Variants in RHBDF1 observed in about 807,000 individuals in gnomAD.
The protein encoded by RHBDF1 is inactive rhomboid protein 1.
In RHBDF1, 80 loss-of-function variants were observed where a neutral mutation model predicts 98.6. The observed-to-expected ratio is 0.81, with a 90% confidence interval of 0.68 to 0.98. The LOEUF (loss-of-function observed/expected upper bound fraction) is 0.98. RHBDF1 is among the 50% of genes least tolerant of loss of function. The probability of loss-of-function intolerance (pLI) is 0.00; values close to 1 mark genes in which losing one functional copy is unlikely to be tolerated. For missense variants in RHBDF1, 1,116 were observed against 1,198.3 expected, an observed-to-expected ratio of 0.93 and a Z score of 1.01; for synonymous variants, 512 against 486.8, an observed-to-expected ratio of 1.05 and a Z score of -0.68.
At chr16:60,578 A>G (rs749974851) in intron 11 of RHBDF1, 39 bp from the exon 12 acceptor site, 1 of 1,497,164 alleles carries the variant, frequency 6.7e-7, no homozygotes, top group Non-Finnish European at 9.2e-7. Context: ...CAGTTGGGTC[A>G]GGGCAATGAG....
At chr16:75,638 C>T (rs1285821440), upstream of RHBDF1, among the ~76,000 whole-genome samples, 1 of 152,200 alleles carries the variant, frequency 6.6e-6, no homozygotes, top group Non-Finnish European at 1.5e-5. Flanking sequence ...GGGCCCAGGG[C>T]CTGGCAGCAC....
intron 17 of RHBDF1, 85 bp from the exon 18 acceptor site, chr16:58,844 C>A: frequency 6.4e-7 from 1 of 1,558,630 alleles, no homozygotes; most frequent in Non-Finnish European, 8.7e-7. Flanking sequence ...CCCCACTTCC[C>A]ATGGCCCAGA....
At position 63,647 on chromosome 16, in the gene RHBDF1, C is replaced by T. The variant is rs747874417; in HGVS notation, c.402G>A (p.Leu134=). The T allele has an allele frequency of 1.9e-6, 3 of 1,606,726 alleles. No homozygotes were observed. In the African/African-American group the frequency reaches 4.0e-5, roughly 21 times the overall value. ...LDLPSQDNVS[L]TSTETPPPLY... is the part of the protein sequence containing the mutation. ...GTGGGGGTGGCGTCTCGGTGCTGGT[C>T]AGCGACACGTTGTCCTGGCTGGGCA... The change falls in exon 4 of 18, where the codon CTG becomes CTA. Residue 134 remains leucine, a synonymous_variant. Coordinates refer to ENST00000262316, the MANE Select transcript of RHBDF1 (RefSeq NM_022450.5).
In RHBDF1 at chr16:63,131, C is replaced by T. The variant is rs777769260; in HGVS notation, c.514G>A (p.Ala172Thr). Residue 172 changes from alanine to threonine, a missense_variant, in exon 5 of 18, where the codon GCG (alanine) becomes ACG (threonine). Physicochemically the swap from Ala to Thr is moderately conservative, Grantham distance 58 (BLOSUM62 0). Transcript: ENST00000262316. ...GTGTGTGGGGCACTCAGGCCTTCCGCAGTGTCATCTGCCACACGGAAGGCA... is the reference window on the plus strand; with the variant it reads ...GTGTGTGGGGCACTCAGGCCTTCCGTAGTGTCATCTGCCACACGGAAGGCA... ...GRAFRVADDT[A>T]EGLSAPHTPV... 1.2e-6 allele frequency: 2 copies of T among 1,600,158 alleles called. No individual in the cohort carries two copies. The highest frequency in any genetic ancestry group is 2.2e-5 in the South Asian group (2 of 89,314).
chr16:66,090 C>A (rs868556738), intron 1 of RHBDF1, among the ~76,000 whole-genome samples: 4 of 152,216 alleles, frequency 2.6e-5, no homozygotes, highest in Admixed American at 6.5e-5. Flanking sequence ...GGGGACCACA[C>A]GGCGATTCCA....
Position 64,070 on chromosome 16 carries a change from G to A in RHBDF1, c.249-270C>T, listed in dbSNP as rs1897751907. Reference sequence around the variant, plus strand: ...CTCACCCCACCATCCCTGAGGGGCAGTTGAGGGGAGGCACTGAGTCCAGAG... The same window carrying A: ...CTCACCCCACCATCCCTGAGGGGCAATTGAGGGGAGGCACTGAGTCCAGAG... On this transcript the variant is annotated intron_variant, in intron 3 of 17. Coordinates refer to ENST00000262316, the MANE Select transcript of RHBDF1 (RefSeq NM_022450.5). 1.6e-5 allele frequency: 10 copies of A among 642,038 alleles called. No individual in the cohort carries two copies. The South Asian group carries it at 1.8e-4, about 12-fold the overall frequency. The allele number at this position is 642,038 out of a possible 1,614,324, so 39.8% of individuals were successfully genotyped here.
intron 1 of RHBDF1, among the ~76,000 whole-genome samples, chr16:68,595 G>A (rs1415958260): frequency 6.6e-6 from 1 of 152,218 alleles, no homozygotes. Flanking sequence ...CAGCCTCACA[G>A]CTGCCAGCCC....
chr16:61,388 G>C lies in RHBDF1; in HGVS notation c.1392C>G (p.Ser464Arg), dbSNP rs1255090923. 7 of 1,608,574 alleles carry C rather than the reference G, an allele frequency of 4.4e-6. No individual in the cohort carries two copies. The highest frequency in any genetic ancestry group is 5.9e-6 in the Non-Finnish European group (7 of 1,178,382). Residue 464 changes from serine (S) to arginine (R), a missense_variant, in exon 10 of 18, where the codon AGC (serine) becomes AGG (arginine). Physicochemically the swap from Ser to Arg is moderately radical, Grantham distance 110. Transcript: ENST00000262316. ...CCGCCCCCAGCCCCGTCCTCACCGA[G>C]CTGGGCCCGATCCAGAAGTTCTCCT... ...VQQENFWIGP[S>R]SEALIHLGAK...
intron 3 of RHBDF1, chr16:64,229 G>A (rs918101382): frequency 3.2e-5 from 42 of 1,329,160 alleles, no homozygotes; most frequent in South Asian, 2.8e-4. Flanking sequence ...AGCACCTGCC[G>A]TTAGGAGCCC....
In RHBDF1 at chr16:61,444, C is replaced by A; in HGVS notation, c.1336G>T (p.Gly446Trp). The part of the protein sequence containing the change: ...ETVDSVLRNR[G>W]VYENVKYVQQ... ...ACGTACTTGACGTTCTCGTAGACCCCGCGGTTCCGCAGCACCTGGGAGGTT... is the reference window on the plus strand; with the variant it reads ...ACGTACTTGACGTTCTCGTAGACCCAGCGGTTCCGCAGCACCTGGGAGGTT... Residue 446 changes from glycine (G) to tryptophan (W), a missense_variant, in exon 10 of 18, where the codon GGG becomes TGG. Transcript: ENST00000262316. The A allele has an allele frequency of 6.2e-7, 1 of 1,612,540 alleles. No individual in the cohort carries two copies. The highest frequency in any genetic ancestry group is 8.5e-7 in the Non-Finnish European group (1 of 1,179,824).
intron 4 of RHBDF1, 91 bp from the exon 5 acceptor site, chr16:63,273 C>T: frequency 8.2e-6 from 9 of 1,091,210 alleles, no homozygotes; most frequent in Non-Finnish European, 1.2e-5. Context: ...AGCGTGACTG[C>T]TGCTCCTGAC....
rs752567658 is a variant in RHBDF1 at position 61,328 on chromosome 16, C to G, written c.1396-47G>C. 3.5e-5 allele frequency: 54 copies of G among 1,543,438 alleles called. 1 individual carries two copies. The highest frequency in any genetic ancestry group is 3.2e-4 in the South Asian group (27 of 83,486). ...GGCCGCAGTCCGGGGCCTCCTGCCC[C>G]CGCCGGGCACCTCCAGGTCCCGCCC... On this transcript the variant is annotated intron_variant, in intron 10 of 17. Transcript: ENST00000262316.
Position 61,833 on chromosome 16 carries a change from G to T in RHBDF1, c.1173C>A (p.Phe391Leu). ...NRTYRKRIDS[F>L]VKRQIEDMDD... ...CCATGTCCTCGATCTGGCGCTTGAC[G>T]AAGCTGTCGATGCGCTTGCGGTAGG... The change falls in exon 8 of 18, where the codon TTC (phenylalanine) becomes TTA (leucine). Residue 391 changes from phenylalanine (F) to leucine (L), a missense_variant. By Grantham distance (22) the Phe-to-Leu change is conservative. Coordinates refer to ENST00000262316, the MANE Select transcript of RHBDF1 (RefSeq NM_022450.5). 6.2e-7 allele frequency: 1 copy of T among 1,612,552 alleles called. No individual in the cohort carries two copies. Among genetic ancestry groups the T allele is most frequent in the South Asian group, 1.1e-5 (1 of 91,050 alleles).
At chr16:69,105 G>C (rs1016374351) in intron 1 of RHBDF1, among the ~76,000 whole-genome samples, 4 of 152,146 alleles carry the variant, frequency 2.6e-5, no homozygotes, top group South Asian at 4.1e-4. Flanking sequence ...GGGGTGAAAG[G>C]ACCCTAGAGC....
chr16:58,426 G>T lies in RHBDF1; in HGVS notation c.2482C>A (p.Arg828Ser). ...LVVLFYVYPVRCEWCEFLTCI... is the reference protein window; with the variant it reads ...LVVLFYVYPVSCEWCEFLTCI... ...GTGAGGAACTCACACCACTCACAGC[G>T]GACAGGATAGACGTAGAAGAGGACC... The change falls in exon 18 of 18, where the codon CGC becomes AGC. Residue 828 changes from arginine (R) to serine (S), a missense_variant. Coordinates refer to ENST00000262316, the MANE Select transcript of RHBDF1 (RefSeq NM_022450.5). The T allele has an allele frequency of 6.2e-7, 1 of 1,614,048 alleles. No individual in the cohort carries two copies. The highest frequency in any genetic ancestry group is 1.1e-5 in the South Asian group (1 of 91,086).
rs752749012 is a variant in RHBDF1 at position 61,623 on chromosome 16, C to G, written c.1282G>C (p.Ala428Pro). ...TILAVCIYGI[A>P]PVGFSQHETV... ...TCATGCTGCGAGAAGCCCACGGGCGCGATGCCATAGATGCACACGGCTAGG... is the reference window on the plus strand; with the variant it reads ...TCATGCTGCGAGAAGCCCACGGGCGGGATGCCATAGATGCACACGGCTAGG... Residue 428 changes from alanine to proline, a missense_variant, in exon 9 of 18, where the codon GCG becomes CCG. Physicochemically the swap from Ala to Pro is conservative, Grantham distance 27. Transcript: ENST00000262316. 8.7e-6 allele frequency: 14 copies of G among 1,613,374 alleles called. No individual in the cohort carries two copies. Among genetic ancestry groups the G allele is most frequent in the Non-Finnish European group, 1.2e-5 (14 of 1,179,928 alleles).
Position 62,697 on chromosome 16 carries a change from T to A in RHBDF1, c.796-2A>T. 1 of 1,614,148 alleles carries A rather than the reference T, an allele frequency of 6.2e-7. No homozygotes were observed. Among genetic ancestry groups the A allele is most frequent in the Admixed American group, 1.7e-5 (1 of 60,036 alleles). ...CAGCTCTTCATGGAGGATACCTTCCTGAGCAAACACATGAGGTCAGGGTGG... is the reference window on the plus strand; with the variant it reads ...CAGCTCTTCATGGAGGATACCTTCCAGAGCAAACACATGAGGTCAGGGTGG... On this transcript the variant is annotated splice_acceptor_variant, in intron 6 of 17. Coordinates refer to ENST00000262316, the MANE Select transcript of RHBDF1 (RefSeq NM_022450.5). LOFTEE classifies it high-confidence loss of function.
Position 61,277 on chromosome 16 carries a change from G to A in RHBDF1, c.1400C>T (p.Ala467Val). 1 of 1,543,652 alleles carries A rather than the reference G, an allele frequency of 6.5e-7. No homozygotes were observed. The highest frequency in any genetic ancestry group is 8.7e-7 in the Non-Finnish European group (1 of 1,143,582). The change falls in exon 11 of 18, where the codon GCC (alanine) becomes GTC (valine). Residue 467 changes from alanine to valine, a missense_variant. Transcript: ENST00000262316. ...ENFWIGPSSE[A>V]LIHLGAKFSP... ...AAACTTGGCGCCCAGGTGGATGAGG[G>A]CCTCCTGCGGGCGAGGGAGACGAGC...
Position 61,164 on chromosome 16 carries a change from TGCGCACGCAGCAGGCGGAGTGCTTCTC to T in RHBDF1, c.1486_1512del (p.Glu496_Arg504del). The T allele has an allele frequency of 6.5e-7, 1 of 1,539,800 alleles. No homozygotes were observed. The highest frequency in any genetic ancestry group is 8.7e-7 in the Non-Finnish European group (1 of 1,145,214). On this transcript the variant is annotated inframe_deletion, in exon 11 of 18. Transcript: ENST00000262316. ...GTCTGCACGCAGCCCGACCTGTCGT[TGCGCACGCAGCAGGCGGAGTGCTTCTC>T]GCGCTCGCGCGCCGAGCGAATGAAG...
Sources: allele counts gnomAD v4.1 joint callset (sites outside exome capture counted in the v4.1 genomes callset), GRCh38; gene constraint gnomAD v4.1.1; transcripts MANE v1.5; gene names NCBI Gene and HGNC (gene_info 2026-07-23, HGNC 2026-07-21).